ASTN2: variants seen among roughly 807,000 people sequenced by gnomAD.
ASTN2 encodes astrotactin 2, also known as astrotactin-2.
ASTN2 carries 54 observed loss-of-function variants against 139.8 expected under a neutral mutation model. That is an observed-to-expected ratio of 0.39 (90% CI 0.31 to 0.48). The LOEUF is 0.48. ASTN2 is among the 20% of genes least tolerant of loss of function. The pLI is 0.95. For missense variants in ASTN2, 1,565 were observed against 1,725.1 expected (o/e 0.91, Z 1.64); for synonymous variants, 756 against 719.5 (o/e 1.05, Z -0.81).
At chr9:116,734,169 C>T (rs554924807) in intron 13 of ASTN2, among the ~76,000 whole-genome samples, 1 of 152,134 alleles carries the variant, frequency 6.6e-6, no homozygotes, top group South Asian at 2.1e-4. Flanking sequence ...ATAGGTTAGA[C>T]TCAAACCCAT....
chr9:117,104,122 A>T (rs922205834), intron 4 of ASTN2, among the ~76,000 whole-genome samples: 1 of 152,216 alleles, frequency 6.6e-6, no homozygotes, highest in Non-Finnish European at 1.5e-5. Flanking sequence ...TCCCCCAGGG[A>T]AGAAATTTCT....
At chr9:116,592,042 T>A (rs1224889643) in intron 19 of ASTN2, among the ~76,000 whole-genome samples, 1 of 152,192 alleles carries the variant, frequency 6.6e-6, no homozygotes, top group African/African-American at 2.4e-5. Context: ...TCAAGTCTCA[T>A]ATATAAAATG....
At chr9:116,519,438 TA>T (rs968962923) in intron 19 of ASTN2, among the ~76,000 whole-genome samples, 1 of 151,126 alleles carries the variant, frequency 6.6e-6, no homozygotes, top group Non-Finnish European at 1.5e-5. Flanking sequence ...AAGATGGAAA[TA>T]AAAAAAAATC....
chr9:117,039,148 T>C (rs919829453), intron 6 of ASTN2, among the ~76,000 whole-genome samples: 2 of 152,242 alleles, frequency 1.3e-5, no homozygotes, highest in Non-Finnish European at 2.9e-5. Context: ...ATTTGAATTC[T>C]TCCTTTATTT....
intron 3 of ASTN2, among the ~76,000 whole-genome samples, chr9:117,151,548 G>A (rs1351315890): frequency 6.6e-6 from 1 of 152,110 alleles, no homozygotes; most frequent in Non-Finnish European, 1.5e-5. Flanking sequence ...TAAATGCTTA[G>A]GTAGAGAGCA....
chr9:117,062,293 G>A (rs1839317410), intron 5 of ASTN2, among the ~76,000 whole-genome samples: 1 of 152,092 alleles, frequency 6.6e-6, no homozygotes, highest in African/African-American at 2.4e-5. Flanking sequence ...CACAAGAATA[G>A]GGCCACAACT....
At chr9:117,033,483 T>A (rs1283601825) in intron 6 of ASTN2, among the ~76,000 whole-genome samples, 1 of 152,148 alleles carries the variant, frequency 6.6e-6, no homozygotes, top group Non-Finnish European at 1.5e-5. Context: ...AATTTATAGA[T>A]AATGTAACTG....
At chr9:117,380,991 T>G (rs182850755) in intron 1 of ASTN2, among the ~76,000 whole-genome samples, 1 of 152,236 alleles carries the variant, frequency 6.6e-6, no homozygotes, top group Admixed American at 6.5e-5. Flanking sequence ...AACCAAAAAG[T>G]GGAAGCAATC....
intron 14 of ASTN2, among the ~76,000 whole-genome samples, chr9:116,729,921 T>C (rs1828732880): frequency 6.6e-6 from 1 of 152,182 alleles, no homozygotes; most frequent in African/African-American, 2.4e-5. Flanking sequence ...TCATGTTTTA[T>C]AGAATAAATT....
At chr9:116,715,258 A>G (rs771873729) in intron 16 of ASTN2, among the ~76,000 whole-genome samples, 30 of 152,182 alleles carry the variant, frequency 2.0e-4, no homozygotes, top group Non-Finnish European at 2.8e-4. Context: ...GACAGAGGCA[A>G]TGGAAGTGTC....
chr9:116,886,185 G>T (rs1005271373), intron 10 of ASTN2, among the ~76,000 whole-genome samples: 3 of 152,196 alleles, frequency 2.0e-5, no homozygotes, highest in African/African-American at 7.2e-5. Flanking sequence ...CTGTCCACAG[G>T]TCTGGTTTGC....
intron 6 of ASTN2, among the ~76,000 whole-genome samples, chr9:117,015,515 G>A (rs898789869): frequency 3.3e-5 from 5 of 152,052 alleles, no homozygotes; most frequent in Non-Finnish European, 7.4e-5. Flanking sequence ...GAGGTTCATG[G>A]AGCTCAGGAT....
At chr9:116,707,625 A>G (rs1828028244) in intron 16 of ASTN2, among the ~76,000 whole-genome samples, 1 of 152,228 alleles carries the variant, frequency 6.6e-6, no homozygotes, top group South Asian at 2.1e-4. Flanking sequence ...AGAGGTTCAC[A>G]ATTTGACCCA....
At chr9:117,083,957 A>G (rs1372573816) in intron 5 of ASTN2, among the ~76,000 whole-genome samples, 1 of 151,354 alleles carries the variant, frequency 6.6e-6, no homozygotes, top group Non-Finnish European at 1.5e-5. Flanking sequence ...TTCTTTCTGC[A>G]TTCAAGGAAC....
At chr9:117,337,375 GA>G (rs1449811580) in intron 1 of ASTN2, among the ~76,000 whole-genome samples, 1 of 152,166 alleles carries the variant, frequency 6.6e-6, no homozygotes, top group Non-Finnish European at 1.5e-5. Context: ...TAAACTCTGA[GA>G]AGTTAGAATG....
At chr9:116,553,430 T>C (rs1564111064) in intron 19 of ASTN2, among the ~76,000 whole-genome samples, 1 of 152,168 alleles carries the variant, frequency 6.6e-6, no homozygotes, top group Non-Finnish European at 1.5e-5. Context: ...CAATTTCCCT[T>C]CCTCTGTTAT....
intron 11 of ASTN2, among the ~76,000 whole-genome samples, chr9:116,859,669 C>A (rs1832827492): frequency 6.6e-6 from 1 of 152,186 alleles, no homozygotes; most frequent in Admixed American, 6.5e-5. Flanking sequence ...GGGTCCCATC[C>A]TCTATCCTTA....
chr9:116,897,997 G>A (rs1213907902), intron 10 of ASTN2, among the ~76,000 whole-genome samples: 1 of 152,050 alleles, frequency 6.6e-6, no homozygotes, highest in Non-Finnish European at 1.5e-5. Flanking sequence ...TAGTTATAGT[G>A]ATATTGTTCT....
chr9:117,254,447 A>T (rs1293301685), intron 2 of ASTN2, among the ~76,000 whole-genome samples: 2 of 152,152 alleles, frequency 1.3e-5, no homozygotes, highest in Non-Finnish European at 2.9e-5. Context: ...TGGCAATTTG[A>T]TTTGACCAAC....
Sources: allele counts gnomAD v4.1 joint callset (sites outside exome capture counted in the v4.1 genomes callset), GRCh38; gene constraint gnomAD v4.1.1; transcripts MANE v1.5; gene names NCBI Gene and HGNC (gene_info 2026-07-23, HGNC 2026-07-21).